Variants in LRRC8C observed in about 807,000 individuals in gnomAD.
LRRC8C encodes volume-regulated anion channel subunit LRRC8C.
Under a neutral mutation model 55.3 loss-of-function variants are expected in LRRC8C, and 20 were observed. The ratio of observed to expected loss-of-function variants is 0.36; its 90% CI spans 0.25 to 0.53. The LOEUF (loss-of-function observed/expected upper bound fraction) is 0.53, where lower values mean the gene tolerates loss of function less well. Ranked by LOEUF, LRRC8C falls within the 20% of genes least tolerant of loss-of-function variation. The pLI is 0.92. For missense variants in LRRC8C, 659 were observed against 951.4 expected (o/e 0.69, Z 4.04); for synonymous variants, 376 against 360.7 (o/e 1.04, Z -0.48).
At chr1:89,655,388 T>C (rs1421789399) in intron 1 of LRRC8C, among the ~76,000 whole-genome samples, 1 of 152,214 alleles carries the variant, frequency 6.6e-6, no homozygotes, top group Non-Finnish European at 1.5e-5. Context: ...GTGTCTTTAT[T>C]TGTTCCTTTG....
At chr1:89,663,658 G>C (rs1450984880) in intron 1 of LRRC8C, among the ~76,000 whole-genome samples, 2 of 152,070 alleles carry the variant, frequency 1.3e-5, no homozygotes, top group Non-Finnish European at 2.9e-5. Context: ...TGGGATTGCT[G>C]GGTCAAATGG....
At position 89,696,364 on chromosome 1, in the gene LRRC8C, T is replaced by A. The variant is rs183725539; in HGVS notation, c.138+9753T>A. Among the ~76,000 whole-genome samples, 1,049 of 152,096 alleles carry A rather than the reference T, an allele frequency of 6.9e-3. 26 individuals carry two copies. The highest frequency in any genetic ancestry group is 0.049 in the Admixed American group (754 of 15,272). The stretch of plus-strand genomic sequence containing the variant: ...CGTACCTGCAAAAAAAGTGGGGGTG[T>A]GGTAGGGAGTTCTGAAAAAAACTCC... On this transcript the variant is annotated intron_variant, in intron 2 of 2. Coordinates refer to ENST00000370454, the MANE Select transcript of LRRC8C (RefSeq NM_032270.5).
intron 1 of LRRC8C, among the ~76,000 whole-genome samples, chr1:89,685,447 G>A (rs1657850628): frequency 6.6e-6 from 1 of 152,188 alleles, no homozygotes; most frequent in South Asian, 2.1e-4. Flanking sequence ...CAGTATTAGG[G>A]AAGGAAGGTG....
intron 1 of LRRC8C, among the ~76,000 whole-genome samples, chr1:89,659,059 T>TGTGTG (rs1166669262): frequency 1.7e-5 from 1 of 59,208 alleles, no homozygotes; most frequent in African/African-American, 6.2e-5. Context: ...TTTTTTTTTT[T>TGTGTG]TTTGTGTGTG....
chr1:89,654,909 T>C (rs529434415), intron 1 of LRRC8C, among the ~76,000 whole-genome samples: 4 of 149,330 alleles, frequency 2.7e-5, no homozygotes, highest in South Asian at 4.3e-4. Flanking sequence ...GGTCTTGCTA[T>C]GTTGCCCAGA....
chr1:89,661,794 A>G (rs946807591), intron 1 of LRRC8C, among the ~76,000 whole-genome samples: 3 of 152,166 alleles, frequency 2.0e-5, no homozygotes, highest in African/African-American at 7.2e-5. Context: ...GCAGGAGGAA[A>G]GGGAGTGCTA....
chr1:89,660,098 G>C (rs72712569), intron 1 of LRRC8C, among the ~76,000 whole-genome samples: 52,230 of 152,036 alleles, frequency 0.34, 10,481 homozygotes, highest in South Asian at 0.48. Flanking sequence ...GGTGGGCTGT[G>C]TGGGGAAGCC....
Position 89,715,115 on chromosome 1 carries a change from T to C in LRRC8C, c.*133T>C. ...GTACACAAAGATCGCGTAAGGAGTA[T>C]GTATTTTTAATAAAAATTTAATTGT... On this transcript the variant is annotated 3_prime_UTR_variant, in exon 3 of 3. Transcript: ENST00000370454. The C allele has an allele frequency of 2.2e-6, 1 of 460,192 alleles. No homozygotes were observed. The highest frequency in any genetic ancestry group is 3.8e-6 in the Non-Finnish European group (1 of 265,386). 28.5% of individuals were successfully genotyped at this position (460,192 alleles called of 1,614,324 possible).
At chr1:89,709,185 G>A (rs1570742845) in intron 2 of LRRC8C, among the ~76,000 whole-genome samples, 1 of 152,360 alleles carries the variant, frequency 6.6e-6, no homozygotes, top group East Asian at 1.9e-4. Context: ...TAGGTGAAAT[G>A]AGAAGAATGT....
intron 2 of LRRC8C, among the ~76,000 whole-genome samples, chr1:89,697,056 G>A (rs1486269374): frequency 6.6e-6 from 1 of 152,004 alleles, no homozygotes; most frequent in Non-Finnish European, 1.5e-5. Context: ...TGACTAACAA[G>A]TGCCATGACT....
intron 2 of LRRC8C, among the ~76,000 whole-genome samples, chr1:89,704,781 T>C (rs1012277338): frequency 1.3e-5 from 2 of 152,100 alleles, no homozygotes; most frequent in African/African-American, 4.8e-5. Context: ...CAACAGGTAC[T>C]GGAGAGGATG....
the LRRC8C span, among the ~76,000 whole-genome samples, chr1:89,623,367 A>G: frequency 6.6e-6 from 1 of 152,224 alleles, no homozygotes; most frequent in Admixed American, 6.5e-5. Context: ...ATCAGAGTAC[A>G]TCACTTCTAA....
chr1:89,650,468 T>C (rs1035938515), intron 1 of LRRC8C, among the ~76,000 whole-genome samples: 1 of 150,848 alleles, frequency 6.6e-6, no homozygotes, highest in Admixed American at 6.7e-5. Context: ...TCTACAAGAC[T>C]GGAATTTAAT....
chr1:89,705,072 A>C (rs1570739024), intron 2 of LRRC8C, among the ~76,000 whole-genome samples: 1 of 151,970 alleles, frequency 6.6e-6, no homozygotes, highest in South Asian at 2.1e-4. Flanking sequence ...GCACATATAC[A>C]CCATGGAATA....
At chr1:89,673,610 G>A (rs1657478641) in intron 1 of LRRC8C, among the ~76,000 whole-genome samples, 3 of 152,238 alleles carry the variant, frequency 2.0e-5, no homozygotes, top group African/African-American at 7.2e-5. Context: ...ATAAATCCAA[G>A]ATATTACACT....
chr1:89,685,101 CTTTTTTTTTTTTT>C (rs11316114), intron 1 of LRRC8C, among the ~76,000 whole-genome samples: 11 of 76,190 alleles, frequency 1.4e-4, no homozygotes, highest in East Asian at 4.8e-4. Context: ...CTATCTAGTT[CTTTTTTTTTTTTT>C]TTTTTTTTTT....
chr1:89,643,033 A>G (rs1656510207), intron 1 of LRRC8C, among the ~76,000 whole-genome samples: 1 of 151,166 alleles, frequency 6.6e-6, no homozygotes, highest in South Asian at 2.1e-4. Context: ...AAAAAAAAAA[A>G]AAAAATAGGT....
chr1:89,678,656 C>T (rs1302840685), intron 1 of LRRC8C, among the ~76,000 whole-genome samples: 6 of 150,936 alleles, frequency 4.0e-5, no homozygotes, highest in East Asian at 1.9e-4. Flanking sequence ...GCCAAGATCG[C>T]GCCATTGCAC....
At chr1:89,649,899 C>A (rs996814920) in intron 1 of LRRC8C, among the ~76,000 whole-genome samples, 16 of 152,196 alleles carry the variant, frequency 1.1e-4, no homozygotes, top group African/African-American at 3.9e-4. Flanking sequence ...AAAGTGAATT[C>A]ATTTGTTTAA....
Sources: allele counts gnomAD v4.1 joint callset (sites outside exome capture counted in the v4.1 genomes callset), GRCh38; gene constraint gnomAD v4.1.1; transcripts MANE v1.5; gene names NCBI Gene and HGNC (gene_info 2026-07-23, HGNC 2026-07-21).